Variants in NADK2 observed in about 807,000 individuals in gnomAD.
The protein encoded by NADK2 is NAD kinase domain-containing protein 1, mitochondrial.
A neutral mutation model predicts 62.1 loss-of-function variants in NADK2; 35 were observed. The observed-to-expected ratio is 0.56, with a 90% CI of 0.43 to 0.75. NADK2 has a LOEUF of 0.75. Among genes scored for constraint, NADK2 ranks in the 30% least tolerant of loss-of-function variants. The pLI is 0.00. For missense variants in NADK2, 439 were observed against 561.3 expected, an observed-to-expected ratio of 0.78 and a Z score of 2.20; for synonymous variants, 205 against 207.9, an observed-to-expected ratio of 0.99 and a Z score of 0.12.
rs1275917730 is a variant in NADK2 at position 36,241,510 on chromosome 5, G to A, written c.289C>T (p.Leu97=). 14 of 1,560,450 alleles carry A rather than the reference G, an allele frequency of 9.0e-6. No individual in the cohort carries two copies. Among genetic ancestry groups the A allele is most frequent in the Admixed American group, 1.8e-5 (1 of 56,508 alleles). The change falls in exon 1 of 12, where the codon CTG becomes TTG. Residue 97 remains leucine (L), a synonymous_variant. Transcript: ENST00000381937. The surrounding 1 kb of genome is among the most constrained non-coding windows in gnomAD (Gnocchi z 4.9). ...GAGCCAGGACCCACCAGCTGCTTCA[G>A]GTCCTCCTCCGAGAGCTCCGCGTAA... The part of the protein sequence containing the change: ...YRYAELSEED[L]KQLLALKGSS...
chr5:36,219,595 C>T lies in NADK2; in HGVS notation c.644+1G>A. On this transcript the variant is annotated splice_donor_variant, in intron 5 of 11. Coordinates refer to ENST00000381937, the MANE Select transcript of NADK2 (RefSeq NM_001085411.3). LOFTEE classifies it high-confidence loss of function. ...TAAGAACAACCGTAAGAAATTCCTACCTGAACTCACCACGATAGAACTTCT... is the reference window on the plus strand; with the variant it reads ...TAAGAACAACCGTAAGAAATTCCTATCTGAACTCACCACGATAGAACTTCT... The T allele has an allele frequency of 6.2e-7, 1 of 1,612,622 alleles. No homozygotes were observed. Among genetic ancestry groups the T allele is most frequent in the Non-Finnish European group, 8.5e-7 (1 of 1,178,848 alleles).
chr5:36,207,312 G>A, intron 7 of NADK2, 47 bp from the exon 8 acceptor site: 1 of 1,409,730 alleles, frequency 7.1e-7, no homozygotes, highest in Non-Finnish European at 9.9e-7. Context: ...ATGGTTCAAG[G>A]TAAATAAGAG....
At chr5:36,222,492 A>G (rs1747310784) in intron 4 of NADK2, among the ~76,000 whole-genome samples, 1 of 152,218 alleles carries the variant, frequency 6.6e-6, no homozygotes, top group South Asian at 2.1e-4. Flanking sequence ...TAAGCTAAAG[A>G]ATGTGTCATG....
rs531652725 is a variant in NADK2 at position 36,207,600 on chromosome 5, T to C, written c.861-335A>G. Reference sequence around the variant, plus strand: ...TCTAACATATACAGAGCCTCATTTCTGAATCCAAAAAAAGAAAATACTATT... The same window carrying C: ...TCTAACATATACAGAGCCTCATTTCCGAATCCAAAAAAAGAAAATACTATT... On this transcript the variant is annotated intron_variant, in intron 7 of 11. Coordinates refer to ENST00000381937, the MANE Select transcript of NADK2 (RefSeq NM_001085411.3). 4.2e-4 allele frequency among the ~76,000 whole-genome samples: 64 copies of C among 152,240 alleles called. 1 individual carries two copies. The highest frequency in any genetic ancestry group is 3.6e-3 in the Admixed American group (55 of 15,278).
At position 36,203,509 on chromosome 5, in the gene NADK2, A is replaced by T. The variant is rs1451473996; in HGVS notation, c.957-2348T>A. Among the ~76,000 whole-genome samples the T allele has an allele frequency of 2.0e-5, 3 of 152,188 alleles. No homozygotes were observed. In the South Asian group the frequency reaches 6.2e-4, roughly 32 times the overall value. ...GGCTTGGTAGAGAAGAGACTGAGCA[A>T]CGAAGGTGTCAGGGATAGGATATAG... On this transcript the variant is annotated intron_variant, in intron 8 of 11. Coordinates refer to ENST00000381937, the MANE Select transcript of NADK2 (RefSeq NM_001085411.3).
intron 4 of NADK2, among the ~76,000 whole-genome samples, chr5:36,220,035 T>G (rs1371536303): frequency 6.6e-6 from 1 of 152,234 alleles, no homozygotes; most frequent in Admixed American, 6.5e-5. Flanking sequence ...CTTCCAATTT[T>G]TATTCTAACC....
chr5:36,241,858 C>G lies in NADK2; in HGVS notation c.-60G>C. On this transcript the variant is annotated 5_prime_UTR_variant, in exon 1 of 12. Coordinates refer to ENST00000381937, the MANE Select transcript of NADK2 (RefSeq NM_001085411.3). The surrounding 1 kb of genome is among the most constrained non-coding windows in gnomAD (Gnocchi z 4.9). ...GGCCCCTTGCCTCAGCTCCCTACCG[C>G]CGGGAGTGCGCGCCGTCCGCGCCGC... The G allele has an allele frequency of 8.5e-7, 1 of 1,173,214 alleles. No individual in the cohort carries two copies. Among genetic ancestry groups the G allele is most frequent in the Non-Finnish European group, 1.1e-6 (1 of 947,508 alleles). The allele number at this position is 1,173,214 out of a possible 1,614,324, so 72.7% of individuals were successfully genotyped here. A position where few individuals can be genotyped will look rare whatever the true frequency, so the allele number is the denominator to read the frequency against.
At chr5:36,226,079 C>T (rs556923233) in intron 3 of NADK2, among the ~76,000 whole-genome samples, 1 of 152,192 alleles carries the variant, frequency 6.6e-6, no homozygotes, top group South Asian at 2.1e-4. Context: ...GAAACAGTAG[C>T]CATTAACTTA....
intron 11 of NADK2, among the ~76,000 whole-genome samples, chr5:36,195,912 T>C: frequency 6.6e-6 from 1 of 152,358 alleles, no homozygotes; most frequent in East Asian, 1.9e-4. Flanking sequence ...TGCACAGTGG[T>C]GCCTGTCTTT....
chr5:36,229,991 CT>C (rs1443499152), intron 1 of NADK2, among the ~76,000 whole-genome samples: 3 of 151,604 alleles, frequency 2.0e-5, no homozygotes, highest in African/African-American at 7.3e-5. Flanking sequence ...CTTTTCTCTT[CT>C]TCCCCTCTAC....
At chr5:36,220,872 A>T (rs560068125) in intron 4 of NADK2, among the ~76,000 whole-genome samples, 1 of 152,304 alleles carries the variant, frequency 6.6e-6, no homozygotes, top group East Asian at 1.9e-4. Context: ...AGGAGGCCTC[A>T]ATCACCCTCT....
chr5:36,218,036 C>A, intron 5 of NADK2, 152 bp from the exon 6 acceptor site: 1 of 608,028 alleles, frequency 1.6e-6, no homozygotes, highest in South Asian at 2.6e-5. Flanking sequence ...AAGCCTATAG[C>A]TTCCTTATCA....
chr5:36,209,163 C>T (rs1295108055), intron 7 of NADK2, among the ~76,000 whole-genome samples: 3 of 152,136 alleles, frequency 2.0e-5, no homozygotes, highest in Admixed American at 6.5e-5. Context: ...CAATCCATTG[C>T]TGTCCTTACT....
At chr5:36,227,220 A>G (rs1396106491) in intron 2 of NADK2, among the ~76,000 whole-genome samples, 3 of 152,198 alleles carry the variant, frequency 2.0e-5, no homozygotes, top group Non-Finnish European at 4.4e-5. Context: ...CCAGCTGTGT[A>G]ACTGAATTAA....
chr5:36,214,469 C>T (rs1254349537), intron 6 of NADK2, among the ~76,000 whole-genome samples: 3 of 152,164 alleles, frequency 2.0e-5, no homozygotes, highest in Admixed American at 1.3e-4. Flanking sequence ...CGTGAACCAC[C>T]GTGCCCAGCC....
intron 9 of NADK2, among the ~76,000 whole-genome samples, chr5:36,200,488 A>G (rs1162908330): frequency 6.6e-6 from 1 of 151,942 alleles, no homozygotes; most frequent in Non-Finnish European, 1.5e-5. Flanking sequence ...CCTCGCCCTT[A>G]TTAGCACTTT....
intron 7 of NADK2, among the ~76,000 whole-genome samples, chr5:36,208,205 G>A (rs2112096702): frequency 6.6e-6 from 1 of 152,138 alleles, no homozygotes; most frequent in Admixed American, 6.5e-5. Context: ...CTCTTAATTT[G>A]TAAGGGTTTT....
chr5:36,233,120 A>G (rs927103037), intron 1 of NADK2, among the ~76,000 whole-genome samples: 1 of 152,150 alleles, frequency 6.6e-6, no homozygotes, highest in African/African-American at 2.4e-5. Context: ...TGTTTTGACA[A>G]TCTATGTACT....
intron 4 of NADK2, among the ~76,000 whole-genome samples, chr5:36,224,494 T>C (rs1420438103): frequency 1.3e-5 from 2 of 149,970 alleles, no homozygotes; most frequent in East Asian, 2.0e-4. Context: ...GAGGCAGAGG[T>C]TGCAGTGTGC....
Sources: allele counts gnomAD v4.1 joint callset (sites outside exome capture counted in the v4.1 genomes callset), GRCh38; gene constraint gnomAD v4.1.1; non-coding constraint Gnocchi (gnomAD v3.1); transcripts MANE v1.5; gene names NCBI Gene and HGNC (gene_info 2026-07-23, HGNC 2026-07-21).